ULK4: variants seen among roughly 807,000 people sequenced by gnomAD.
ULK4 encodes unc-51 like kinase 4.
In ULK4, 133 loss-of-function variants were observed where a neutral mutation model predicts 160.6. The observed-to-expected ratio is 0.83, with a 90% CI of 0.72 to 0.96. The LOEUF (loss-of-function observed/expected upper bound fraction) is 0.96, where lower values mean the gene tolerates loss of function less well. Ranked by LOEUF, ULK4 falls within the 40% of genes least tolerant of loss-of-function variation. The pLI is 0.00. For missense variants in ULK4, 1,580 were observed against 1,499.5 expected (o/e 1.05, Z -0.89); for synonymous variants, 534 against 539.8 (o/e 0.99, Z 0.15).
chr3:41,450,802 A>G (rs777994034), intron 34 of ULK4, among the ~76,000 whole-genome samples: 1 of 152,188 alleles, frequency 6.6e-6, no homozygotes, highest in Non-Finnish European at 1.5e-5. Flanking sequence ...AATGTGTGTT[A>G]ATCTTTTCCA....
In ULK4 at chr3:41,727,379, C is replaced by T. The variant is rs147034435; in HGVS notation, c.2322-9518G>A. On this transcript the variant is annotated intron_variant, in intron 22 of 36. Coordinates refer to ENST00000301831, the MANE Select transcript of ULK4 (RefSeq NM_017886.4). ...GTATATTCAAGTCCAATGAAACAGA[C>T]AGCAAACAAGCAACCAGAAAATAGC... Among the ~76,000 whole-genome samples, 1,131 of 152,234 alleles carry T rather than the reference C, an allele frequency of 7.4e-3. 15 individuals carry two copies. The highest frequency in any genetic ancestry group is 0.025 in the African/African-American group (1,056 of 41,528).
intron 22 of ULK4, among the ~76,000 whole-genome samples, chr3:41,736,586 A>T (rs2038057655): frequency 6.6e-6 from 1 of 151,666 alleles, no homozygotes; most frequent in Non-Finnish European, 1.5e-5. Flanking sequence ...TAGATTCTGG[A>T]TATTAGCCCT....
chr3:41,901,157 A>G (rs1698336741), intron 12 of ULK4, among the ~76,000 whole-genome samples: 2 of 149,132 alleles, frequency 1.3e-5, no homozygotes, highest in Admixed American at 6.7e-5. Flanking sequence ...TGGTTTTTCC[A>G]TAACAGCATG....
At position 41,249,507 on chromosome 3, in the gene ULK4, C is replaced by T. The variant is rs759039899; in HGVS notation, c.3746G>A (p.Arg1249Gln). The change falls in exon 36 of 37, where the codon CGG becomes CAG. Residue 1249 changes from arginine (R) to glutamine (Q), a missense_variant. By Grantham distance (43) the Arg-to-Gln change is conservative. Transcript: ENST00000301831. ...CACTTACCCACTCCCAGGGGCCAGCCGCTCCAGAGCCCGCAGGAGGCTGCC... is the reference window on the plus strand; with the variant it reads ...CACTTACCCACTCCCAGGGGCCAGCTGCTCCAGAGCCCGCAGGAGGCTGCC... ...NAGSLLRALERLAPGSGSFAD... is the reference protein window; with the variant it reads ...NAGSLLRALEQLAPGSGSFAD... 75 of 1,613,844 alleles carry T rather than the reference C, an allele frequency of 4.6e-5. No homozygotes were observed. The highest frequency in any genetic ancestry group is 3.7e-4 in the African/African-American group (28 of 74,932).
intron 35 of ULK4, among the ~76,000 whole-genome samples, chr3:41,318,985 T>C (rs1448260147): frequency 2.0e-5 from 3 of 152,192 alleles, no homozygotes; most frequent in East Asian, 1.9e-4. Flanking sequence ...GATTATATTA[T>C]GGTGGATTTG....
chr3:41,930,240 C>T (rs1464871161), intron 5 of ULK4, among the ~76,000 whole-genome samples: 1 of 116,416 alleles, frequency 8.6e-6, no homozygotes, highest in Non-Finnish European at 2.0e-5. Flanking sequence ...AAAGGATTTC[C>T]TATTTAATAG....
chr3:41,849,503 A>C (rs2042155453), intron 17 of ULK4, among the ~76,000 whole-genome samples: 1 of 152,208 alleles, frequency 6.6e-6, no homozygotes, highest in South Asian at 2.1e-4. Flanking sequence ...GAAAAATAAA[A>C]AATAGGCAGA....
chr3:41,401,414 T>C (rs536981587), intron 34 of ULK4, among the ~76,000 whole-genome samples: 131 of 152,312 alleles, frequency 8.6e-4, no homozygotes, highest in Middle Eastern at 6.8e-3. Flanking sequence ...CCTATGGTAC[T>C]GCATGTTTAA....
At chr3:41,543,369 T>G (rs1184131566) in intron 32 of ULK4, among the ~76,000 whole-genome samples, 1 of 150,300 alleles carries the variant, frequency 6.7e-6, no homozygotes, top group Non-Finnish European at 1.5e-5. Context: ...GATGACAAGA[T>G]CCTTGATTAG....
intron 30 of ULK4, among the ~76,000 whole-genome samples, chr3:41,645,616 G>T (rs1295833490): frequency 6.6e-6 from 1 of 152,048 alleles, no homozygotes; most frequent in Non-Finnish European, 1.5e-5. Flanking sequence ...TTCCAAGTAT[G>T]TGGTCAATTT....
intron 30 of ULK4, among the ~76,000 whole-genome samples, chr3:41,631,736 C>T (rs1029378761): frequency 1.3e-5 from 2 of 151,910 alleles, no homozygotes; most frequent in African/African-American, 2.4e-5. Context: ...ACAGAGAGTA[C>T]AAAAGGAGAA....
At chr3:41,945,948 A>C (rs538665965) in intron 2 of ULK4, among the ~76,000 whole-genome samples, 4 of 152,166 alleles carry the variant, frequency 2.6e-5, no homozygotes, top group African/African-American at 9.7e-5. Flanking sequence ...CAGACTCTTC[A>C]TTCATAGAAA....
In ULK4 at chr3:41,896,910, G is replaced by T; in HGVS notation, c.1442C>A (p.Ala481Asp). The stretch of plus-strand genomic sequence containing the variant: ...AAGGAGATTCAGCTTGGCTCGGGAG[G>T]CCCCCATGCTCTTCTCAGTGGAGTC... ...QIDSTEKSMG[A>D]SRAKLNLLCY... Residue 481 changes from alanine to aspartate, a missense_variant, in exon 15 of 37, where the codon GCC becomes GAC. Coordinates refer to ENST00000301831, the MANE Select transcript of ULK4 (RefSeq NM_017886.4). 6.2e-7 allele frequency: 1 copy of T among 1,613,374 alleles called. No individual in the cohort carries two copies. Among genetic ancestry groups the T allele is most frequent in the Non-Finnish European group, 8.5e-7 (1 of 1,179,844 alleles).
intron 34 of ULK4, among the ~76,000 whole-genome samples, chr3:41,404,176 A>ATTT (rs2082244907): frequency 6.6e-6 from 1 of 150,740 alleles, no homozygotes; most frequent in African/African-American, 2.4e-5. Context: ...CTAAGTGGGA[A>ATTT]AGCCCCAACT....
intron 27 of ULK4, among the ~76,000 whole-genome samples, chr3:41,693,041 T>C (rs968495033): frequency 6.6e-6 from 1 of 152,216 alleles, no homozygotes; most frequent in Non-Finnish European, 1.5e-5. Flanking sequence ...AAATAACACT[T>C]GCATCACTAA....
At chr3:41,849,047 G>A (rs1271473304) in intron 17 of ULK4, among the ~76,000 whole-genome samples, 1 of 152,148 alleles carries the variant, frequency 6.6e-6, no homozygotes, top group African/African-American at 2.4e-5. Flanking sequence ...CACTATGCTG[G>A]ATAGAAACGC....
At chr3:41,567,754 C>T (rs2371591) in intron 31 of ULK4, among the ~76,000 whole-genome samples, 41,676 of 151,920 alleles carry the variant, frequency 0.27, 6,167 homozygotes, top group African/African-American at 0.38. Context: ...TGAGCCACCA[C>T]GCCTGGCATT....
At chr3:41,573,697 C>T (rs1018424288) in intron 31 of ULK4, among the ~76,000 whole-genome samples, 6 of 152,286 alleles carry the variant, frequency 3.9e-5, no homozygotes, top group Middle Eastern at 3.4e-3. Flanking sequence ...ATTCAACACA[C>T]GCTTAAACTA....
chr3:41,658,914 A>G (rs752098883), intron 30 of ULK4, among the ~76,000 whole-genome samples: 2 of 119,772 alleles, frequency 1.7e-5, no homozygotes, highest in East Asian at 2.1e-4. Context: ...CATATTCCCC[A>G]ATCAAACAGA....
Sources: allele counts gnomAD v4.1 joint callset (sites outside exome capture counted in the v4.1 genomes callset), GRCh38; gene constraint gnomAD v4.1.1; transcripts MANE v1.5; gene names NCBI Gene and HGNC (gene_info 2026-07-23, HGNC 2026-07-21).